Variants in GFRA1 observed in about 807,000 individuals in gnomAD.
GFRA1 encodes GDNF family receptor alpha-1.
In GFRA1, 16 loss-of-function variants were observed where a neutral mutation model predicts 51.6. That is an observed-to-expected ratio of 0.31 (90% CI 0.21 to 0.47). The LOEUF (loss-of-function observed/expected upper bound fraction) is 0.47. GFRA1 is among the 20% of genes least tolerant of loss of function. The pLI is 1.00. For synonymous variants in GFRA1, 270 were observed against 241.3 expected (o/e 1.12, Z -1.10); for missense variants, 530 against 594.3 (o/e 0.89, Z 1.13).
chr10:116,121,842 T>C (rs746520978), intron 6 of GFRA1, among the ~76,000 whole-genome samples: 15 of 152,176 alleles, frequency 9.9e-5, no homozygotes, highest in Non-Finnish European at 1.8e-4. Context: ...CAGCTCCAGC[T>C]AGTACCAGCT....
In GFRA1 at chr10:116,202,408, A is replaced by G. The variant is rs144802438; in HGVS notation, c.433+9223T>C. ...GGAAAATGTCACAGTGGCTGTGAATATGGTCATAATAAGACAGTAGAAGAC... is the reference window on the plus strand; with the variant it reads ...GGAAAATGTCACAGTGGCTGTGAATGTGGTCATAATAAGACAGTAGAAGAC... On this transcript the variant is annotated intron_variant, in intron 5 of 10. Coordinates refer to ENST00000355422, the MANE Select transcript of GFRA1 (RefSeq NM_005264.8). 2.0e-4 allele frequency among the ~76,000 whole-genome samples: 30 copies of G among 152,314 alleles called. No individual in the cohort carries two copies. The East Asian group carries it at 5.8e-3, about 29-fold the overall frequency.
At chr10:116,171,835 C>G (rs1961058073) in intron 5 of GFRA1, among the ~76,000 whole-genome samples, 1 of 152,180 alleles carries the variant, frequency 6.6e-6, no homozygotes, top group Non-Finnish European at 1.5e-5. Flanking sequence ...CTGAGTCACT[C>G]CTGCTCACAA....
intron 9 of GFRA1, among the ~76,000 whole-genome samples, chr10:116,084,675 C>A (rs961557226): frequency 1.3e-5 from 2 of 152,062 alleles, no homozygotes; most frequent in Non-Finnish European, 2.9e-5. Context: ...GATGTCTTCA[C>A]TGTAAGACAC....
chr10:116,249,595 G>A (rs1028642758), intron 4 of GFRA1, among the ~76,000 whole-genome samples: 5 of 152,106 alleles, frequency 3.3e-5, no homozygotes, highest in Non-Finnish European at 7.3e-5. Context: ...AAGACCGTAG[G>A]CTCCCTCATG....
intron 9 of GFRA1, among the ~76,000 whole-genome samples, chr10:116,088,606 T>C (rs2133867088): frequency 6.6e-6 from 1 of 152,158 alleles, no homozygotes; most frequent in Admixed American, 6.5e-5. Context: ...ATCAGGAGGA[T>C]AACACCCAAA....
At chr10:116,147,419 C>A (rs905978162) in intron 5 of GFRA1, among the ~76,000 whole-genome samples, 1 of 152,116 alleles carries the variant, frequency 6.6e-6, no homozygotes, top group South Asian at 2.1e-4. Context: ...ACTGCACCAT[C>A]TCATCTAAAA....
intron 4 of GFRA1, among the ~76,000 whole-genome samples, chr10:116,265,591 TC>T (rs767148857): frequency 5.6e-4 from 85 of 152,182 alleles, no homozygotes; most frequent in Non-Finnish European, 9.3e-4. Context: ...CTTCTGTGTC[TC>T]GAACTTTTCT....
At chr10:116,220,258 T>G (rs1464016368) in intron 4 of GFRA1, among the ~76,000 whole-genome samples, 1 of 152,224 alleles carries the variant, frequency 6.6e-6, no homozygotes, top group East Asian at 1.9e-4. Flanking sequence ...TAAGTTTCTA[T>G]TACCTTTTTG....
chr10:116,138,628 G>A (rs971965843), intron 5 of GFRA1, among the ~76,000 whole-genome samples: 2 of 151,036 alleles, frequency 1.3e-5, no homozygotes, highest in African/African-American at 4.9e-5. Context: ...AAAGCAAGAT[G>A]GTAGGAACCC....
chr10:116,091,837 C>T (rs1218166361), intron 8 of GFRA1, among the ~76,000 whole-genome samples: 3 of 152,164 alleles, frequency 2.0e-5, no homozygotes, highest in South Asian at 4.1e-4. Context: ...AAAATTCTGG[C>T]TGGCTTTGGC....
intron 5 of GFRA1, among the ~76,000 whole-genome samples, chr10:116,128,725 C>CAAAAAAAA (rs67642059): frequency 9.1e-5 from 8 of 87,820 alleles, no homozygotes; most frequent in African/African-American, 3.1e-4. Flanking sequence ...GACTCTGTCT[C>CAAAAAAAA]AAAAAAAAAA....
At position 116,060,920 on chromosome 10, in the gene GFRA1, A is replaced by G. The variant is rs1202987130; in HGVS notation, c.*3478T>C. 4.6e-5 allele frequency: 7 copies of G among 152,212 alleles called. No homozygotes were observed. The allele number at this position is 152,212 out of a possible 1,614,324, so 9.4% of individuals were successfully genotyped here. A position where few individuals can be genotyped will look rare whatever the true frequency, so the allele number is the denominator to read the frequency against. ...AAATACATTTCCGCTGAATTCTGAG[A>G]AAAGAATTCGCTAATTATATAAACT... On this transcript the variant is annotated 3_prime_UTR_variant, in exon 11 of 11. Transcript: ENST00000355422.
At chr10:116,201,520 C>A (rs1354587248) in intron 5 of GFRA1, among the ~76,000 whole-genome samples, 1 of 152,138 alleles carries the variant, frequency 6.6e-6, no homozygotes, top group African/African-American at 2.4e-5. Context: ...CCGCCCCTCA[C>A]TCCCCGGAGT....
At position 116,125,450 on chromosome 10, in the gene GFRA1, T is replaced by C. The variant is rs745613689; in HGVS notation, c.541A>G (p.Ser181Gly). 7.4e-6 allele frequency: 12 copies of C among 1,614,144 alleles called. No individual in the cohort carries two copies. The South Asian group carries it at 1.3e-4, about 18-fold the overall frequency. ...RSAYITPCTT[S>G]VSNDVCNRRK... ...CGGTTGCAGACATCGTTGGACACGCTGGTGGTGCACGGGGTGATGTACGCC... is the reference window on the plus strand; with the variant it reads ...CGGTTGCAGACATCGTTGGACACGCCGGTGGTGCACGGGGTGATGTACGCC... Residue 181 changes from serine (S) to glycine (G), a missense_variant, in exon 6 of 11, where the codon AGC becomes GGC. Ser to Gly is a moderately conservative substitution (Grantham distance 56, BLOSUM62 0). Transcript: ENST00000355422.
intron 5 of GFRA1, among the ~76,000 whole-genome samples, chr10:116,142,557 A>G (rs952016787): frequency 6.6e-6 from 1 of 152,168 alleles, no homozygotes; most frequent in Non-Finnish European, 1.5e-5. Context: ...ATGTGTCCCC[A>G]CACTGTAAGG....
At position 116,060,223 on chromosome 10, in the gene GFRA1, C is replaced by G. The variant is rs1954740103; in HGVS notation, c.*4175G>C. ...TTGAGAAGCAGAGCCGTGTCAAAGC[C>G]AAGAGGTGTCAGATATACACTTGAG... On this transcript the variant is annotated 3_prime_UTR_variant, in exon 11 of 11. Coordinates refer to ENST00000355422, the MANE Select transcript of GFRA1 (RefSeq NM_005264.8). 1 of 152,144 alleles carries G rather than the reference C, an allele frequency of 6.6e-6. No individual in the cohort carries two copies. Among genetic ancestry groups the G allele is most frequent in the South Asian group, 2.1e-4 (1 of 4,814 alleles). The allele number at this position is 152,144 out of a possible 1,614,324, so 9.4% of individuals were successfully genotyped here.
intron 5 of GFRA1, among the ~76,000 whole-genome samples, chr10:116,147,119 T>C (rs548363093): frequency 6.6e-6 from 1 of 152,298 alleles, no homozygotes; most frequent in African/African-American, 2.4e-5. Context: ...TACATACATT[T>C]CTATTATTGT....
chr10:116,119,537 A>T (rs1476947911), intron 6 of GFRA1, among the ~76,000 whole-genome samples: 2 of 152,252 alleles, frequency 1.3e-5, no homozygotes, highest in African/African-American at 4.8e-5. Flanking sequence ...GAATCAGCGT[A>T]AAATAAAATT....
upstream of GFRA1, among the ~76,000 whole-genome samples, chr10:116,273,694 T>A (rs796475366): frequency 0.022 from 1,875 of 84,664 alleles, 18 homozygotes; most frequent in Middle Eastern, 0.066. Flanking sequence ...TCTCTCTCTC[T>A]CACACACACA....
Sources: gnomAD v4.1 joint callset for allele counts (sites outside exome capture counted in the v4.1 genomes callset) on GRCh38, gnomAD v4.1.1 for gene constraint, MANE v1.5 for transcripts, NCBI Gene and HGNC (gene_info 2026-07-23, HGNC 2026-07-21) for gene names.